GNA11: variants seen among roughly 807,000 people sequenced by gnomAD.
GNA11 encodes the protein G protein subunit alpha 11, also known as guanine nucleotide-binding protein subunit alpha-11.
A neutral mutation model predicts 38.2 loss-of-function variants in GNA11; 8 were observed. The observed-to-expected ratio is 0.21, with a 90% CI of 0.12 to 0.38. GNA11 has a LOEUF of 0.38. GNA11 is among the 10% of genes least tolerant of loss of function. The pLI is 1.00. For missense variants in GNA11, 268 were observed against 516.3 expected, an observed-to-expected ratio of 0.52 and a Z score of 4.66; for synonymous variants, 211 against 221.4, an observed-to-expected ratio of 0.95 and a Z score of 0.42.
intron 1 of GNA11, among the ~76,000 whole-genome samples, chr19:3,101,312 C>T (rs1273055487): frequency 6.6e-6 from 1 of 152,158 alleles, no homozygotes; most frequent in Non-Finnish European, 1.5e-5. Flanking sequence ...TGTCTTAATC[C>T]CCAGGGACTG....
At chr19:3,098,951 G>A (rs892489604) in intron 1 of GNA11, among the ~76,000 whole-genome samples, 1 of 152,226 alleles carries the variant, frequency 6.6e-6, no homozygotes, top group African/African-American at 2.4e-5. Context: ...TCCCGGGCAT[G>A]GTCCGGGAAG....
Position 3,115,081 on chromosome 19 carries a change from C to T in GNA11, c.605+9C>T, listed in dbSNP as rs530116093. On this transcript the variant is annotated intron_variant, in intron 4 of 6. Coordinates refer to ENST00000078429, the MANE Select transcript of GNA11 (RefSeq NM_002067.5). ...GAGAACATCATCTTCCGGTACCGCC[C>T]GGGCCACAGCAGGCGGGGAGGGGGC... is the stretch of plus-strand genomic sequence containing the variant. 154 of 1,605,444 alleles carry T rather than the reference C, an allele frequency of 9.6e-5. 1 individual carries two copies. The highest frequency in any genetic ancestry group is 1.2e-4 in the Non-Finnish European group (136 of 1,178,142).
rs531494592 is a variant in GNA11, at chr19:3,115,972, G to A, written c.605+900G>A. Among the ~76,000 whole-genome samples the A allele has an allele frequency of 1.5e-3, 208 of 137,986 alleles. 1 individual carries two copies. The highest frequency in any genetic ancestry group is 6.2e-3 in the African/African-American group (193 of 31,084). 90.5% of individuals were successfully genotyped at this position (137,986 alleles called of 152,430 possible). On this transcript the variant is annotated intron_variant, in intron 4 of 6. Transcript: ENST00000078429. ...GAGGGGTCGTGGGGACCGAGGCTTT[G>A]AGGGGAGGAGGGGTCATAGGGACTG...
chr19:3,114,577 C>A (rs532332291), intron 3 of GNA11, among the ~76,000 whole-genome samples: 1 of 152,180 alleles, frequency 6.6e-6, no homozygotes, highest in African/African-American at 2.4e-5. Flanking sequence ...CTGGGGCCAG[C>A]CAGGCCTCTC....
intron 1 of GNA11, among the ~76,000 whole-genome samples, chr19:3,101,380 G>T (rs1913503499): frequency 6.6e-6 from 1 of 151,616 alleles, no homozygotes; most frequent in South Asian, 2.1e-4. Flanking sequence ...GTGGGGCTGG[G>T]TCCACGCTGT....
intron 4 of GNA11, chr19:3,118,167 C>T (rs909595397): frequency 3.3e-5 from 5 of 152,248 alleles, no homozygotes; most frequent in Non-Finnish European, 7.3e-5. Flanking sequence ...CCGGCCTTCC[C>T]TGGGGCCTGG....
At chr19:3,101,470 C>T (rs1037361102) in intron 1 of GNA11, among the ~76,000 whole-genome samples, 1 of 152,216 alleles carries the variant, frequency 6.6e-6, no homozygotes, top group Non-Finnish European at 1.5e-5. Context: ...TCCAGCCACA[C>T]TGGTTTGCTC....
intron 2 of GNA11, among the ~76,000 whole-genome samples, chr19:3,111,056 A>C (rs939929002): frequency 6.6e-6 from 1 of 151,304 alleles, no homozygotes; most frequent in Non-Finnish European, 1.5e-5. Flanking sequence ...GGCCTCCCAA[A>C]GTGCTGGGAT....
At chr19:3,102,049 T>C (rs1008957057) in intron 1 of GNA11, among the ~76,000 whole-genome samples, 4 of 151,916 alleles carry the variant, frequency 2.6e-5, no homozygotes, top group African/African-American at 9.7e-5. Flanking sequence ...TGAGCCGAGA[T>C]TGCACCACTG....
Position 3,119,295 on chromosome 19 carries a change from G to C in GNA11, c.825G>C (p.Lys275Asn), listed in dbSNP as rs2145326983. The C allele has an allele frequency of 6.2e-7, 1 of 1,613,926 alleles. No individual in the cohort carries two copies. Among genetic ancestry groups the C allele is most frequent in the Non-Finnish European group, 8.5e-7 (1 of 1,179,914 alleles). Residue 275 changes from lysine (K) to asparagine (N), a missense_variant, in exon 6 of 7, where the codon AAG becomes AAC. Around this residue, in one of 3 missense-constraint regions of GNA11, gnomAD observed 92 missense variants for 166.7 expected, o/e 0.55. Transcript: ENST00000078429. This position sits in a 1 kb window ranked among gnomAD's most constrained non-coding sequence, Gnocchi z 4.6. ...CCTCCGTCATCCTCTTCCTCAACAA[G>C]AAGGACCTGCTGGAGGACAAGATCC... is the stretch of plus-strand genomic sequence containing the variant. Reference protein sequence around the residue: ...QNSSVILFLNKKDLLEDKILY... With the variant: ...QNSSVILFLNNKDLLEDKILY...
intron 1 of GNA11, among the ~76,000 whole-genome samples, chr19:3,104,060 G>C (rs1913575512): frequency 6.6e-6 from 1 of 152,030 alleles, no homozygotes; most frequent in Non-Finnish European, 1.5e-5. Context: ...GACCTCAAAT[G>C]ATCCACCTGC....
chr19:3,112,645 C>T (rs1326235502), intron 2 of GNA11, among the ~76,000 whole-genome samples: 1 of 152,252 alleles, frequency 6.6e-6, no homozygotes, highest in Non-Finnish European at 1.5e-5. Flanking sequence ...GGGCCTGATG[C>T]CACCCGCCGC....
intron 1 of GNA11, among the ~76,000 whole-genome samples, chr19:3,105,401 G>A (rs1345848788): frequency 6.6e-6 from 1 of 150,950 alleles, no homozygotes; most frequent in Non-Finnish European, 1.5e-5. Context: ...TTGGGGGGTT[G>A]GGGGGAAGGG....
At chr19:3,101,666 G>A (rs886817483) in intron 1 of GNA11, among the ~76,000 whole-genome samples, 1 of 152,208 alleles carries the variant, frequency 6.6e-6, no homozygotes, top group Non-Finnish European at 1.5e-5. Context: ...CTGTCCCTCA[G>A]GTGGAGATGT....
In GNA11 at chr19:3,121,602, G is replaced by A. The variant is rs540727835; in HGVS notation, c.*423G>A. Reference sequence around the variant, plus strand: ...GCAGCCAGTCACGCGCCCCCACACCGCAGCCCCCCGTGGCTGTCCTTCCAA... The same window carrying A: ...GCAGCCAGTCACGCGCCCCCACACCACAGCCCCCCGTGGCTGTCCTTCCAA... On this transcript the variant is annotated 3_prime_UTR_variant, in exon 7 of 7. Transcript: ENST00000078429. 5 of 233,454 alleles carry A rather than the reference G, an allele frequency of 2.1e-5. No individual in the cohort carries two copies. Among genetic ancestry groups the A allele is most frequent in the Non-Finnish European group, 4.2e-5 (5 of 118,588 alleles). 14.5% of individuals were successfully genotyped at this position (233,454 alleles called of 1,614,324 possible).
chr19:3,096,614 C>T (rs1913373939), intron 1 of GNA11, among the ~76,000 whole-genome samples: 1 of 152,190 alleles, frequency 6.6e-6, no homozygotes, highest in Non-Finnish European at 1.5e-5. Flanking sequence ...TGGAGCAAGT[C>T]TGGAAGTGAT....
chr19:3,109,598 C>A (rs946809038), intron 1 of GNA11, among the ~76,000 whole-genome samples: 1 of 152,228 alleles, frequency 6.6e-6, no homozygotes, highest in South Asian at 2.1e-4. Context: ...GAGGGGAGAG[C>A]CTCGTGGGTG....
chr19:3,112,104 G>A (rs1234358876), intron 2 of GNA11, among the ~76,000 whole-genome samples: 1 of 152,270 alleles, frequency 6.6e-6, no homozygotes, highest in Non-Finnish European at 1.5e-5. Flanking sequence ...CAGCAGAGCC[G>A]AGTGCTGGAG....
At position 3,110,351 on chromosome 19, in the gene GNA11, TGGGGA is replaced by T; in HGVS notation, c.321+25_321+29del. ...AGAACAAGGTGAGCCCGCGGGCGCCTGGGGAGGGGAGCGCCTGGGCAGCTGTGGGC... is the reference window on the plus strand; with the variant it reads ...AGAACAAGGTGAGCCCGCGGGCGCCTGGGGAGCGCCTGGGCAGCTGTGGGC... On this transcript the variant is annotated intron_variant, in intron 2 of 6. Transcript: ENST00000078429. The surrounding 1 kb of genome is among the most constrained non-coding windows in gnomAD (Gnocchi z 5.4). 1 of 1,593,764 alleles carries T rather than the reference TGGGGA, an allele frequency of 6.3e-7. No homozygotes were observed. The highest frequency in any genetic ancestry group is 8.6e-7 in the Non-Finnish European group (1 of 1,165,338).
Sources: allele counts gnomAD v4.1 joint callset (sites outside exome capture counted in the v4.1 genomes callset), GRCh38; gene constraint gnomAD v4.1.1; regional missense constraint gnomAD v4.1.1; non-coding constraint Gnocchi (gnomAD v3.1); transcripts MANE v1.5; gene names NCBI Gene and HGNC (gene_info 2026-07-23, HGNC 2026-07-21).